MYH13: variants seen among roughly 807,000 people sequenced by gnomAD.
MYH13 encodes myosin-13.
Under a neutral mutation model 232.1 loss-of-function variants are expected in MYH13, and 177 were observed. That is an observed-to-expected ratio of 0.76 (90% confidence interval 0.67 to 0.86). The LOEUF is 0.86. MYH13 is among the 40% of genes least tolerant of loss of function. MYH13 has a pLI of 0.00. For synonymous variants in MYH13, 884 were observed against 923.5 expected (o/e 0.96, Z 0.78); for missense variants, 2,246 against 2,405.9 (o/e 0.93, Z 1.39).
chr17:10,364,291 C>T (rs959596899), intron 3 of MYH13, 36 bp downstream of exon 3: 2 of 1,579,090 alleles, frequency 1.3e-6, no homozygotes, highest in Non-Finnish European at 1.7e-6. Flanking sequence ...AATGAGCATG[C>T]CCATATTATC....
chr17:10,368,850 C>T (rs2071857728), intron 2 of MYH13, among the ~76,000 whole-genome samples: 1 of 152,180 alleles, frequency 6.6e-6, no homozygotes. Context: ...TAGCGTTAAG[C>T]ATGATACCCA....
chr17:10,363,187 A>C (rs2071806834), intron 3 of MYH13, among the ~76,000 whole-genome samples: 1 of 151,922 alleles, frequency 6.6e-6, no homozygotes, highest in Non-Finnish European at 1.5e-5. Context: ...AGAGACAGAA[A>C]ATAGGGCAAG....
rs1372129215 is a variant in MYH13 at position 10,333,180 on chromosome 17, G to A, written c.2068C>T (p.His690Tyr). The change falls in exon 19 of 41, where the codon CAC becomes TAC. Residue 690 changes from histidine (H) to tyrosine (Y), a missense_variant. By Grantham distance (83) the His-to-Tyr change is moderately conservative (BLOSUM62 2). Coordinates refer to ENST00000252172, the MANE Select transcript of MYH13 (RefSeq NM_003802.3). The part of the protein sequence containing the change: ...NETKTPGVMD[H>Y]YLVMHQLRCN... ...CGCAGCTGGTGCATGACCAAGTAGT[G>A]GTCCATCACACCTGGAGAGAGAACG... 1.3e-6 allele frequency: 2 copies of A among 1,549,346 alleles called. No individual in the cohort carries two copies. The highest frequency in any genetic ancestry group is 2.0e-5 in the Admixed American group (1 of 51,008).
At chr17:10,345,715 C>T in intron 13 of MYH13, 99 bp from the exon 14 acceptor site, 2 of 1,598,918 alleles carry the variant, frequency 1.3e-6, no homozygotes, top group Non-Finnish European at 1.7e-6. Context: ...AAGCTGTTGG[C>T]TAGGCGTGGT....
chr17:10,336,537 A>C (rs1442912317), intron 18 of MYH13, among the ~76,000 whole-genome samples: 1 of 152,078 alleles, frequency 6.6e-6, no homozygotes, highest in Non-Finnish European at 1.5e-5. Flanking sequence ...CCATTCCAGG[A>C]GATGGCAAAA....
chr17:10,345,166 A>G, intron 15 of MYH13, 36 bp downstream of exon 15: 1 of 1,613,972 alleles, frequency 6.2e-7, no homozygotes, highest in African/African-American at 1.3e-5. Context: ...GGCCCCCAAT[A>G]AGGAGGAGCT....
rs1906977126 is a variant in MYH13, at chr17:10,322,266, TGG to T, written c.2935-560_2935-559del. Among the ~76,000 whole-genome samples the T allele has an allele frequency of 1.3e-4, 19 of 150,342 alleles. No individual in the cohort carries two copies. The South Asian group carries it at 4.0e-3, about 32-fold the overall frequency. Reference sequence around the variant, plus strand: ...AAAAAAAATTAGCCAGGCATGGTGGTGGGCACCTGTAGTCCCAGCTACTCAGG... The same window carrying T: ...AAAAAAAATTAGCCAGGCATGGTGGTGCACCTGTAGTCCCAGCTACTCAGG... On this transcript the variant is annotated intron_variant, in intron 23 of 40. Coordinates refer to ENST00000252172, the MANE Select transcript of MYH13 (RefSeq NM_003802.3).
intron 22 of MYH13, among the ~76,000 whole-genome samples, 164 bp downstream of exon 22, chr17:10,327,702 G>C (rs1907260873): frequency 6.6e-6 from 1 of 152,042 alleles, no homozygotes; most frequent in African/African-American, 2.4e-5. Flanking sequence ...CTAAGCCCGG[G>C]ACCAGGCATC....
chr17:10,303,577 A>T, intron 37 of MYH13, 79 bp from the exon 38 acceptor site: 6 of 1,237,288 alleles, frequency 4.8e-6, no homozygotes, highest in Non-Finnish European at 5.9e-6. Flanking sequence ...CAATCATTCT[A>T]GAGTGAACTC....
intron 18 of MYH13, among the ~76,000 whole-genome samples, chr17:10,338,702 T>TTTTG (rs60761182): frequency 0.14 from 20,549 of 141,956 alleles, 1,559 homozygotes; most frequent in East Asian, 0.45. Context: ...TTTTTTTTTT[T>TTTTG]TTTGTTTGTT....
Position 10,345,502 on chromosome 17 carries a change from C to G in MYH13, c.1378G>C (p.Gly460Arg). 1.2e-6 allele frequency: 2 copies of G among 1,614,172 alleles called. No individual in the cohort carries two copies. The highest frequency in any genetic ancestry group is 1.7e-6 in the Non-Finnish European group (2 of 1,180,038). ...TCAAAGCCAGCAATGTCCAAGACCC[C>G]GATGAAGTACTGCCTGGGCTGCTTG... Reference protein sequence around the residue: ...DTKQPRQYFIGVLDIAGFEIF... With the variant: ...DTKQPRQYFIRVLDIAGFEIF... The change falls in exon 14 of 41, where the codon GGG becomes CGG. Residue 460 changes from glycine to arginine, a missense_variant. Coordinates refer to ENST00000252172, the MANE Select transcript of MYH13 (RefSeq NM_003802.3).
chr17:10,366,674 C>T (rs1177475564), intron 2 of MYH13, among the ~76,000 whole-genome samples: 1 of 152,156 alleles, frequency 6.6e-6, no homozygotes, highest in Non-Finnish European at 1.5e-5. Flanking sequence ...AGCCTCCATG[C>T]CCCGCCTGAA....
rs143527222 is a variant in MYH13, at chr17:10,335,763, AAGAG to A, written c.2057-2576_2057-2573del. On this transcript the variant is annotated intron_variant, in intron 18 of 40. Coordinates refer to ENST00000252172, the MANE Select transcript of MYH13 (RefSeq NM_003802.3). ...GAGTGAGACCCTGTCTTGAAAAAAAAAGAGAGAGAGAGAAAAGATGAGTACAAAG... is the reference window on the plus strand; with the variant it reads ...GAGTGAGACCCTGTCTTGAAAAAAAAAGAGAGAGAAAAGATGAGTACAAAG... Among the ~76,000 whole-genome samples, 375 of 152,150 alleles carry A rather than the reference AAGAG, an allele frequency of 2.5e-3. 13 individuals carry two copies. In the East Asian group the frequency reaches 0.055, roughly 22 times the overall value.
Position 10,306,482 on chromosome 17 carries a change from G to C in MYH13, c.5443C>G (p.Gln1815Glu). 2 of 1,614,126 alleles carry C rather than the reference G, an allele frequency of 1.2e-6. No homozygotes were observed. The highest frequency in any genetic ancestry group is 1.7e-6 in the Non-Finnish European group (2 of 1,180,028). ...EQLALKGGKK[Q>E]IQKLENRVRE... ...ACCCGGTTCTCCAGTTTCTGGATCT[G>C]CTTCTTCCCGCCCTTCAGCGCCAGT... The change falls in exon 37 of 41, where the codon CAG becomes GAG. Residue 1815 changes from glutamine (Q) to glutamate (E), a missense_variant. Gln to Glu is a conservative substitution (Grantham distance 29). Transcript: ENST00000252172. This position sits in a 1 kb window ranked among gnomAD's most constrained non-coding sequence, Gnocchi z 4.3.
At chr17:10,323,780 AAAAAAAAAAGAAGAAGAAG>A (rs1299383453) in intron 23 of MYH13, among the ~76,000 whole-genome samples, 84 of 59,530 alleles carry the variant, frequency 1.4e-3, no homozygotes, top group African/African-American at 3.2e-3. Context: ...AAAAAAAAAA[AAAAAAAAAAGAAGAAGAAG>A]AAGAAGAAGA....
chr17:10,323,188 C>G (rs1183745585), intron 23 of MYH13, among the ~76,000 whole-genome samples: 1 of 152,112 alleles, frequency 6.6e-6, no homozygotes, highest in Non-Finnish European at 1.5e-5. Flanking sequence ...CACCCAGGAG[C>G]AGAATTGCTG....
rs761036964 is a variant in MYH13 at position 10,330,410 on chromosome 17, C to T, written c.2412G>A (p.Glu804=). 6.2e-7 allele frequency: 1 copy of T among 1,613,686 alleles called. No individual in the cohort carries two copies. Among genetic ancestry groups the T allele is most frequent in the Non-Finnish European group, 8.5e-7 (1 of 1,179,798 alleles). ...AVCRGYLMRV[E]FKKMMERRDS... ...ACCTCCTCTCCATCATCTTCTTGAA[C>T]TCCACCCGCATCAGGTACCCCCTGC... Residue 804 remains glutamate (E), a synonymous_variant, in exon 21 of 41, where the codon GAG becomes GAA. Coordinates refer to ENST00000252172, the MANE Select transcript of MYH13 (RefSeq NM_003802.3).
chr17:10,320,648 C>T, intron 24 of MYH13, 152 bp from the exon 25 acceptor site: 5 of 776,980 alleles, frequency 6.4e-6, no homozygotes, highest in Non-Finnish European at 9.9e-6. Context: ...GCAAGTCTTG[C>T]CCCTACCTCC....
intron 30 of MYH13, 143 bp downstream of exon 30, chr17:10,313,015 C>T (rs901791946): frequency 1.5e-6 from 2 of 1,378,624 alleles, no homozygotes; most frequent in Non-Finnish European, 2.0e-6. Context: ...CAGGGAGACC[C>T]CCAGAGGGTG....
Sources: allele counts gnomAD v4.1 joint callset (sites outside exome capture counted in the v4.1 genomes callset), GRCh38; gene constraint gnomAD v4.1.1; non-coding constraint Gnocchi (gnomAD v3.1); transcripts MANE v1.5; gene names NCBI Gene and HGNC (gene_info 2026-07-23, HGNC 2026-07-21).